Variants in ANKH observed in about 807,000 individuals in gnomAD.
The protein encoded by ANKH is ANKH inorganic pyrophosphate transport regulator.
A neutral mutation model predicts 49.0 loss-of-function variants in ANKH; 15 were observed. The ratio of observed to expected loss-of-function variants is 0.31; its 90% CI spans 0.20 to 0.47. ANKH has a LOEUF of 0.47. Ranked by LOEUF, ANKH falls within the 20% of genes least tolerant of loss-of-function variation. ANKH has a pLI of 1.00. For synonymous variants in ANKH, 273 were observed against 260.0 expected (o/e 1.05, Z -0.48); for missense variants, 429 against 652.0 (o/e 0.66, Z 3.72).
At chr5:14,763,926 TA>T (rs1211986697) in intron 2 of ANKH, among the ~76,000 whole-genome samples, 1 of 151,862 alleles carries the variant, frequency 6.6e-6, no homozygotes, top group Non-Finnish European at 1.5e-5. Flanking sequence ...TCGTCTCTAC[TA>T]AAAATACAAA....
chr5:14,759,286 GGCAC>G, intron 2 of ANKH, among the ~76,000 whole-genome samples: 1 of 152,268 alleles, frequency 6.6e-6, no homozygotes, highest in East Asian at 1.9e-4. Flanking sequence ...CTGGAACATA[GGCAC>G]TCAGCCAGTA....
chr5:14,720,502 C>T (rs974613103), intron 8 of ANKH, among the ~76,000 whole-genome samples: 3 of 152,204 alleles, frequency 2.0e-5, no homozygotes, highest in African/African-American at 7.2e-5. Flanking sequence ...AACACTATTT[C>T]CCTGTCCATA....
At position 14,713,689 on chromosome 5, in the gene ANKH, T is replaced by A; in HGVS notation, c.1142-22A>T. On this transcript the variant is annotated intron_variant, in intron 9 of 11. Transcript: ENST00000284268. The surrounding 1 kb of genome is among the most constrained non-coding windows in gnomAD (Gnocchi z 4.4). Reference sequence around the variant, plus strand: ...GTGACTGTTGGGAGGAGCAAAGGACTCGTCAGCCGTGCCCGCCATCCACTC... The same window carrying A: ...GTGACTGTTGGGAGGAGCAAAGGACACGTCAGCCGTGCCCGCCATCCACTC... 1 of 1,612,798 alleles carries A rather than the reference T, an allele frequency of 6.2e-7. No individual in the cohort carries two copies. The highest frequency in any genetic ancestry group is 8.5e-7 in the Non-Finnish European group (1 of 1,179,888).
At chr5:14,857,947 C>A (rs993729281) in intron 1 of ANKH, among the ~76,000 whole-genome samples, 2 of 151,968 alleles carry the variant, frequency 1.3e-5, no homozygotes, top group African/African-American at 4.8e-5. Flanking sequence ...ACATTGTGAC[C>A]GGTAATATTA....
In ANKH at chr5:14,710,055, C is replaced by A. The variant is rs372796134; in HGVS notation, c.*1142G>T. 6.6e-6 allele frequency: 1 copy of A among 152,046 alleles called. No homozygotes were observed. Among genetic ancestry groups the A allele is most frequent in the African/African-American group, 2.4e-5 (1 of 41,392 alleles). 9.4% of individuals were successfully genotyped at this position (152,046 alleles called of 1,614,324 possible). A position where few individuals can be genotyped will look rare whatever the true frequency, so the allele number is the denominator to read the frequency against. The stretch of plus-strand genomic sequence containing the variant: ...TACTGCACTGCATGGATTTCGAATG[C>A]GTTATTTCAGGGAGGACCACATAGT... On this transcript the variant is annotated 3_prime_UTR_variant, in exon 12 of 12. Coordinates refer to ENST00000284268, the MANE Select transcript of ANKH (RefSeq NM_054027.6).
chr5:14,745,678 G>A lies in ANKH; in HGVS notation c.915+192C>T, dbSNP rs545003276. On this transcript the variant is annotated intron_variant, in intron 7 of 11. Coordinates refer to ENST00000284268, the MANE Select transcript of ANKH (RefSeq NM_054027.6). This position sits in a 1 kb window ranked among gnomAD's most constrained non-coding sequence, Gnocchi z 4.7. ...TTTGGAAAAGCATCCTGGGATCAGC[G>A]TCAAAGGTAAGCTTCAACTTGCCCC... Among the ~76,000 whole-genome samples the A allele has an allele frequency of 1.3e-5, 2 of 152,158 alleles. No individual in the cohort carries two copies. The highest frequency in any genetic ancestry group is 2.9e-5 in the Non-Finnish European group (2 of 68,026).
At chr5:14,718,015 C>G (rs1737536818) in intron 8 of ANKH, among the ~76,000 whole-genome samples, 1 of 152,134 alleles carries the variant, frequency 6.6e-6, no homozygotes, top group Non-Finnish European at 1.5e-5. Flanking sequence ...TTCTACGCTC[C>G]CAGAACATGG....
intron 7 of ANKH, among the ~76,000 whole-genome samples, chr5:14,742,329 C>T (rs1738387588): frequency 6.6e-6 from 1 of 152,154 alleles, no homozygotes; most frequent in African/African-American, 2.4e-5. Context: ...CTCCAGGGCT[C>T]CTCTCCTCTC....
At chr5:14,734,782 G>A (rs1738121577) in intron 8 of ANKH, among the ~76,000 whole-genome samples, 1 of 152,216 alleles carries the variant, frequency 6.6e-6, no homozygotes, top group South Asian at 2.1e-4. Flanking sequence ...ACACGGGTGT[G>A]TATTGATACG....
chr5:14,782,648 A>G (rs1403841169), intron 1 of ANKH, among the ~76,000 whole-genome samples: 1 of 152,242 alleles, frequency 6.6e-6, no homozygotes, highest in Non-Finnish European at 1.5e-5. Flanking sequence ...AAACAGTACT[A>G]TACAACAAGC....
intron 1 of ANKH, among the ~76,000 whole-genome samples, chr5:14,793,303 C>A (rs1740264683): frequency 6.6e-6 from 1 of 151,394 alleles, no homozygotes; most frequent in African/African-American, 2.4e-5. Context: ...CTCTGGGCTG[C>A]TGAAGACCCA....
intron 9 of ANKH, among the ~76,000 whole-genome samples, chr5:14,715,054 C>G (rs1737393483): frequency 6.6e-6 from 1 of 152,238 alleles, no homozygotes; most frequent in Non-Finnish European, 1.5e-5. Flanking sequence ...TGTCACAGCC[C>G]AGAAAGTGAC....
Position 14,713,218 on chromosome 5 carries a change from C to T in ANKH, c.1266-245G>A, listed in dbSNP as rs376377115. Among the ~76,000 whole-genome samples, 20 of 152,274 alleles carry T rather than the reference C, an allele frequency of 1.3e-4. No homozygotes were observed. The East Asian group carries it at 2.9e-3, about 22-fold the overall frequency. ...ACAGCCCTTCCCACCCTCCCCAGGA[C>T]GCTGGGAGCTCCCTGAGCGCAGGGA... On this transcript the variant is annotated intron_variant, in intron 10 of 11. Coordinates refer to ENST00000284268, the MANE Select transcript of ANKH (RefSeq NM_054027.6). This position sits in a 1 kb window ranked among gnomAD's most constrained non-coding sequence, Gnocchi z 4.4.
chr5:14,732,299 G>A (rs955457888), intron 8 of ANKH, among the ~76,000 whole-genome samples: 3 of 152,048 alleles, frequency 2.0e-5, no homozygotes, highest in African/African-American at 7.2e-5. Flanking sequence ...AGGGGGTGAC[G>A]GGTCAACTAA....
intron 2 of ANKH, among the ~76,000 whole-genome samples, chr5:14,764,390 T>C (rs939150733): frequency 2.0e-5 from 3 of 152,108 alleles, no homozygotes; most frequent in East Asian, 1.9e-4. Flanking sequence ...GCAATGCTAG[T>C]GGAGGATGAG....
intron 8 of ANKH, among the ~76,000 whole-genome samples, chr5:14,721,443 G>A (rs1217357634): frequency 6.6e-6 from 1 of 152,164 alleles, no homozygotes; most frequent in Non-Finnish European, 1.5e-5. Flanking sequence ...ACAATCACAG[G>A]TAACTAAAGG....
intron 1 of ANKH, among the ~76,000 whole-genome samples, chr5:14,827,536 G>A (rs533833186): frequency 3.9e-5 from 6 of 152,314 alleles, no homozygotes; most frequent in Admixed American, 1.3e-4. Context: ...GAAGAAGGCT[G>A]TGGCTGTCAA....
At position 14,745,659 on chromosome 5, in the gene ANKH, A is replaced by C. The variant is rs554658522; in HGVS notation, c.915+211T>G. On this transcript the variant is annotated intron_variant, in intron 7 of 11. Transcript: ENST00000284268. This position sits in a 1 kb window ranked among gnomAD's most constrained non-coding sequence, Gnocchi z 4.7. ...GTAACCACAGGCTGATCACTTTGGA[A>C]AAGCATCCTGGGATCAGCGTCAAAG... Among the ~76,000 whole-genome samples the C allele has an allele frequency of 1.6e-3, 238 of 152,366 alleles. No individual in the cohort carries two copies. The highest frequency in any genetic ancestry group is 3.0e-3 in the Non-Finnish European group (203 of 68,036).
chr5:14,849,906 T>A (rs1479005794), intron 1 of ANKH, among the ~76,000 whole-genome samples: 1 of 152,094 alleles, frequency 6.6e-6, no homozygotes, highest in Non-Finnish European at 1.5e-5. Flanking sequence ...GTCAGGAGCC[T>A]TCCTCTGCAC....
Sources: gnomAD v4.1 joint callset for allele counts (sites outside exome capture counted in the v4.1 genomes callset) on GRCh38, gnomAD v4.1.1 for gene constraint, Gnocchi (gnomAD v3.1) non-coding constraint, MANE v1.5 for transcripts, NCBI Gene and HGNC (gene_info 2026-07-23, HGNC 2026-07-21) for gene names.